Variants in LMNTD1 observed in about 807,000 individuals in gnomAD.
LMNTD1 encodes lamin tail domain-containing protein 1.
In LMNTD1, 35 loss-of-function variants were observed where a neutral mutation model predicts 50.9. The observed-to-expected ratio is 0.69, with a 90% CI of 0.53 to 0.91. The LOEUF is 0.91. Among genes scored for constraint, LMNTD1 ranks in the 40% least tolerant of loss-of-function variants. The probability of loss-of-function intolerance (pLI) is 0.00; values close to 1 mark genes in which losing one functional copy is unlikely to be tolerated. For missense variants in LMNTD1, 470 were observed against 475.5 expected, an observed-to-expected ratio of 0.99 and a Z score of 0.11; for synonymous variants, 153 against 161.9, an observed-to-expected ratio of 0.94 and a Z score of 0.42.
intron 1 of LMNTD1, among the ~76,000 whole-genome samples, chr12:25,572,125 T>C (rs966013586): frequency 2.0e-5 from 3 of 152,200 alleles, no homozygotes; most frequent in Admixed American, 6.5e-5. Flanking sequence ...AATAACTTCA[T>C]AGGTTTCAAT....
chr12:25,518,417 T>C (rs887700881), intron 8 of LMNTD1, among the ~76,000 whole-genome samples: 2 of 152,226 alleles, frequency 1.3e-5, no homozygotes, highest in Admixed American at 6.5e-5. Flanking sequence ...TTAGAGTGTG[T>C]TTGGAAAAGG....
chr12:25,625,657 T>C (rs754022957), intron 1 of LMNTD1, among the ~76,000 whole-genome samples: 1 of 152,240 alleles, frequency 6.6e-6, no homozygotes, highest in African/African-American at 2.4e-5. Context: ...CCCGGCTTAC[T>C]ACTCATCTTT....
intron 1 of LMNTD1, among the ~76,000 whole-genome samples, chr12:25,620,675 G>T (rs193070556): frequency 2.6e-5 from 4 of 152,170 alleles, no homozygotes; most frequent in South Asian, 2.1e-4. Flanking sequence ...CTTTCCTTAG[G>T]TTGAACTTGA....
intron 1 of LMNTD1, among the ~76,000 whole-genome samples, chr12:25,605,903 G>A (rs1486901223): frequency 6.6e-6 from 1 of 152,142 alleles, no homozygotes; most frequent in East Asian, 1.9e-4. Context: ...GGATGGCATT[G>A]AATCTATAAA....
chr12:25,488,979 G>A (rs1017946433), intron 9 of LMNTD1, among the ~76,000 whole-genome samples: 1 of 152,214 alleles, frequency 6.6e-6, no homozygotes, highest in African/African-American at 2.4e-5. Context: ...GAGGCAGTGT[G>A]CCCGTTCTCA....
At position 25,507,696 on chromosome 12, in the gene LMNTD1, T is replaced by C. The variant is rs894148177; in HGVS notation, c.1190-3896A>G. Among the ~76,000 whole-genome samples the C allele has an allele frequency of 5.9e-5, 9 of 152,338 alleles. No individual in the cohort carries two copies. In the South Asian group the frequency reaches 1.7e-3, roughly 28 times the overall value. On this transcript the variant is annotated intron_variant, in intron 8 of 9. Transcript: ENST00000458174. The stretch of plus-strand genomic sequence containing the variant: ...CAAGTTCTGTTCACATTCCATTATA[T>C]AGGATGTTGACACATAATCCTACTA...
chr12:25,573,292 C>A (rs1944870008), intron 1 of LMNTD1, among the ~76,000 whole-genome samples: 1 of 152,214 alleles, frequency 6.6e-6, no homozygotes, highest in Admixed American at 6.5e-5. Flanking sequence ...CAATTGCCTA[C>A]TACAAGTTCC....
chr12:25,574,938 A>G (rs1944944192), intron 1 of LMNTD1, among the ~76,000 whole-genome samples: 1 of 152,226 alleles, frequency 6.6e-6, no homozygotes, highest in Admixed American at 6.5e-5. Flanking sequence ...TACATAGTGA[A>G]TCATTCATCT....
At chr12:25,558,874 C>T (rs1944152431) in intron 1 of LMNTD1, among the ~76,000 whole-genome samples, 1 of 152,098 alleles carries the variant, frequency 6.6e-6, no homozygotes, top group African/African-American at 2.4e-5. Flanking sequence ...GGGGTTACTA[C>T]AATTCAAGGT....
chr12:25,562,143 G>T (rs924041204), intron 1 of LMNTD1, among the ~76,000 whole-genome samples: 1 of 152,114 alleles, frequency 6.6e-6, no homozygotes, highest in Non-Finnish European at 1.5e-5. Context: ...TACATTTAAG[G>T]TTAATATTGT....
At chr12:25,588,481 G>C (rs979394814) in intron 1 of LMNTD1, among the ~76,000 whole-genome samples, 1 of 152,034 alleles carries the variant, frequency 6.6e-6, no homozygotes, top group Non-Finnish European at 1.5e-5. Flanking sequence ...ATGTAAAGAA[G>C]TAAAAGCCAA....
intron 1 of LMNTD1, chr12:25,630,821 G>A (rs955153288): frequency 1.3e-5 from 2 of 152,302 alleles, no homozygotes; most frequent in Non-Finnish European, 1.5e-5. Context: ...GAGAAGCCTC[G>A]TGGCTAGAAC....
intron 9 of LMNTD1, among the ~76,000 whole-genome samples, chr12:25,500,451 A>C (rs1241462437): frequency 2.0e-5 from 3 of 152,184 alleles, no homozygotes; most frequent in African/African-American, 7.2e-5. Flanking sequence ...GAGATATGTG[A>C]ACATAGCTCA....
At chr12:25,607,991 G>A (rs893837569) in intron 1 of LMNTD1, among the ~76,000 whole-genome samples, 2 of 152,242 alleles carry the variant, frequency 1.3e-5, no homozygotes, top group Admixed American at 1.3e-4. Flanking sequence ...AGGTCTCTCA[G>A]GACTTGCTTT....
chr12:25,531,712 GT>G (rs1252208454), intron 4 of LMNTD1, among the ~76,000 whole-genome samples: 1 of 152,024 alleles, frequency 6.6e-6, no homozygotes, highest in Non-Finnish European at 1.5e-5. Flanking sequence ...CTTCTTCTGT[GT>G]TTCCATCAAT....
intron 1 of LMNTD1, among the ~76,000 whole-genome samples, chr12:25,587,820 G>A (rs1945583906): frequency 1.3e-5 from 2 of 152,134 alleles, no homozygotes; most frequent in African/African-American, 4.8e-5. Context: ...GAAGTAATAT[G>A]AATTAAATTC....
At chr12:25,493,931 G>A (rs1309147794) in intron 9 of LMNTD1, among the ~76,000 whole-genome samples, 2 of 152,144 alleles carry the variant, frequency 1.3e-5, no homozygotes, top group African/African-American at 4.8e-5. Flanking sequence ...GGGACCAGGT[G>A]TGAGGAAGCC....
At chr12:25,583,594 A>G (rs1945401167) in intron 1 of LMNTD1, among the ~76,000 whole-genome samples, 1 of 152,104 alleles carries the variant, frequency 6.6e-6, no homozygotes, top group Non-Finnish European at 1.5e-5. Flanking sequence ...TTTGAATCTC[A>G]GTGATTCAAT....
At position 25,484,781 on chromosome 12, in the gene LMNTD1, T is replaced by C. The variant is rs544653042; in HGVS notation, c.*23-8321A>G. Among the ~76,000 whole-genome samples the C allele has an allele frequency of 6.2e-5, 9 of 146,226 alleles. No homozygotes were observed. In the South Asian group the frequency reaches 1.9e-3, roughly 31 times the overall value. On this transcript the variant is annotated intron_variant, in intron 9 of 9. Coordinates refer to ENST00000458174, the MANE Select transcript of LMNTD1 (RefSeq NM_001145728.2). ...TTGGTTTTTTCTTCTTGCGATAGTT[T>C]ACTGAGAATGATGATTTCCAATTTC...
Sources: gnomAD v4.1 joint callset for allele counts (sites outside exome capture counted in the v4.1 genomes callset) on GRCh38, gnomAD v4.1.1 for gene constraint, MANE v1.5 for transcripts, NCBI Gene and HGNC (gene_info 2026-07-23, HGNC 2026-07-21) for gene names.